Variants in PTPRK observed in about 807,000 individuals in gnomAD.
PTPRK encodes receptor-type tyrosine-protein phosphatase kappa.
PTPRK carries 75 observed loss-of-function variants against 178.0 expected under a neutral mutation model. That is an observed-to-expected ratio of 0.42 (90% CI 0.35 to 0.51). PTPRK has a LOEUF of 0.51. Ranked by LOEUF, PTPRK falls within the 20% of genes least tolerant of loss-of-function variation. The pLI is 0.02. For missense variants in PTPRK, 1,441 were observed against 1,797.8 expected, an observed-to-expected ratio of 0.80 and a Z score of 3.59; for synonymous variants, 637 against 620.6, an observed-to-expected ratio of 1.03 and a Z score of -0.39.
At chr6:128,053,010 CTGGAATG>C (rs1280783291) in intron 13 of PTPRK, among the ~76,000 whole-genome samples, 1 of 151,960 alleles carries the variant, frequency 6.6e-6, no homozygotes, top group Non-Finnish European at 1.5e-5. Context: ...TGTTCCAGCC[CTGGAATG>C]AGCCATTTAT....
intron 2 of PTPRK, among the ~76,000 whole-genome samples, chr6:128,350,186 G>T (rs1376582155): frequency 6.6e-6 from 1 of 152,116 alleles, no homozygotes; most frequent in Non-Finnish European, 1.5e-5. Context: ...AGAAAAAGGA[G>T]TTGGAGGATC....
chr6:128,321,600 AT>A, intron 3 of PTPRK: 1 of 560,688 alleles, frequency 1.8e-6, no homozygotes, highest in East Asian at 3.0e-5. Context: ...TCTACATCAC[AT>A]TTATTTCCCA....
chr6:128,028,285 A>G (rs1774674335), intron 13 of PTPRK, among the ~76,000 whole-genome samples: 1 of 152,236 alleles, frequency 6.6e-6, no homozygotes, highest in Admixed American at 6.5e-5. Flanking sequence ...GGAAAAAGCA[A>G]AAGTGATAAC....
intron 1 of PTPRK, among the ~76,000 whole-genome samples, chr6:128,401,838 C>A (rs1841058978): frequency 1.3e-5 from 2 of 152,094 alleles, no homozygotes; most frequent in African/African-American, 4.8e-5. Flanking sequence ...TTGGAAAATA[C>A]AATATCCTTA....
At chr6:128,178,496 T>C (rs955822848) in intron 7 of PTPRK, among the ~76,000 whole-genome samples, 3 of 151,934 alleles carry the variant, frequency 2.0e-5, no homozygotes, top group Non-Finnish European at 4.4e-5. Context: ...CATATTTGAA[T>C]AAGAAAAGTA....
chr6:127,981,387 A>C, intron 24 of PTPRK, 98 bp from the exon 25 acceptor site: 1 of 1,112,738 alleles, frequency 9.0e-7, no homozygotes, highest in Non-Finnish European at 1.3e-6. Flanking sequence ...TAGAAAGTGA[A>C]GGATTTGTGC....
Position 128,404,789 on chromosome 6 carries a change from A to G in PTPRK, c.101-7101T>C, listed in dbSNP as rs371074234. 7.0e-4 allele frequency among the ~76,000 whole-genome samples: 106 copies of G among 152,340 alleles called. 1 individual carries two copies. Among genetic ancestry groups the G allele is most frequent in the African/African-American group, 2.3e-3 (96 of 41,588 alleles). On this transcript the variant is annotated intron_variant, in intron 1 of 29. Coordinates refer to ENST00000368226, the MANE Select transcript of PTPRK (RefSeq NM_002844.4). ...TAAAAGGAACATGTTAGTGAAAAGT[A>G]CCCCAAAGAAGAAAAAATGAAACTT...
chr6:127,970,080 T>TA lies in PTPRK; in HGVS notation c.*146dup, dbSNP rs959974369. On this transcript the variant is annotated 3_prime_UTR_variant, in exon 30 of 30. Coordinates refer to ENST00000368226, the MANE Select transcript of PTPRK (RefSeq NM_002844.4). ...CTTTTTATTAAGATACACAACTTCA[T>TA]AAAAAAAATACTTTTACCTCTCAAA... is the stretch of plus-strand genomic sequence containing the variant. The TA allele has an allele frequency of 8.7e-5, 48 of 548,588 alleles. No individual in the cohort carries two copies. The highest frequency in any genetic ancestry group is 1.1e-4 in the Non-Finnish European group (36 of 316,534). The allele number at this position is 548,588 out of a possible 1,614,324, so 34.0% of individuals were successfully genotyped here.
intron 7 of PTPRK, among the ~76,000 whole-genome samples, chr6:128,123,221 G>A (rs1792766677): frequency 6.6e-6 from 1 of 152,090 alleles, no homozygotes; most frequent in African/African-American, 2.4e-5. Context: ...ACCAGAGGCT[G>A]AAAAAGGCAA....
chr6:128,475,167 C>A (rs187614134), intron 1 of PTPRK, among the ~76,000 whole-genome samples: 2 of 152,016 alleles, frequency 1.3e-5, no homozygotes, highest in Non-Finnish European at 2.9e-5. Flanking sequence ...GACCTTGGGC[C>A]AGGTATTTAT....
chr6:128,307,160 A>AT (rs1050180445), intron 3 of PTPRK, among the ~76,000 whole-genome samples: 16 of 142,344 alleles, frequency 1.1e-4, no homozygotes, highest in African/African-American at 2.7e-4. Flanking sequence ...AAGAAAAAAA[A>AT]ATATATATAT....
At chr6:128,471,460 T>C (rs192122735) in intron 1 of PTPRK, among the ~76,000 whole-genome samples, 6 of 151,340 alleles carry the variant, frequency 4.0e-5, no homozygotes, top group African/African-American at 1.5e-4. Flanking sequence ...ATAATAATGA[T>C]AGAAACTTAC....
At position 127,993,257 on chromosome 6, in the gene PTPRK, C is replaced by T. The variant is rs186671505; in HGVS notation, c.2845-548G>A. ...AGGGATATGCAAAAACTATTTTGTG[C>T]GTGCTCACAATGTTAATTTACACAC... On this transcript the variant is annotated intron_variant, in intron 18 of 29. Transcript: ENST00000368226. Among the ~76,000 whole-genome samples, 37 of 151,750 alleles carry T rather than the reference C, an allele frequency of 2.4e-4. 1 individual carries two copies. The East Asian group carries it at 3.1e-3, about 13-fold the overall frequency.
At chr6:128,044,140 C>T (rs1777653139) in intron 13 of PTPRK, among the ~76,000 whole-genome samples, 1 of 152,038 alleles carries the variant, frequency 6.6e-6, no homozygotes, top group African/African-American at 2.4e-5. Context: ...TTTCAACTTA[C>T]TTAGATTTCA....
At chr6:128,382,301 T>A (rs563974241) in intron 2 of PTPRK, among the ~76,000 whole-genome samples, 1 of 152,088 alleles carries the variant, frequency 6.6e-6, no homozygotes, top group South Asian at 2.1e-4. Flanking sequence ...CAAAGAACTA[T>A]GACTTCTATT....
intron 1 of PTPRK, among the ~76,000 whole-genome samples, chr6:128,424,436 A>C (rs1243986700): frequency 6.6e-6 from 1 of 152,176 alleles, no homozygotes; most frequent in East Asian, 1.9e-4. Context: ...GCTTGAAATT[A>C]CACTATTCTC....
intron 2 of PTPRK, among the ~76,000 whole-genome samples, chr6:128,373,446 G>C (rs896845309): frequency 6.6e-6 from 1 of 152,072 alleles, no homozygotes; most frequent in African/African-American, 2.4e-5. Flanking sequence ...ATCACCTATG[G>C]GACTTTAAAT....
intron 7 of PTPRK, among the ~76,000 whole-genome samples, chr6:128,158,134 C>A: frequency 6.6e-6 from 1 of 151,844 alleles, no homozygotes; most frequent in Non-Finnish European, 1.5e-5. Flanking sequence ...GGAAGGGATC[C>A]AGTTTCAGCT....
At chr6:128,100,310 TAATGG>T (rs1426513863) in intron 7 of PTPRK, among the ~76,000 whole-genome samples, 2 of 151,992 alleles carry the variant, frequency 1.3e-5, no homozygotes, top group African/African-American at 2.4e-5. Context: ...TTTTTTGAGA[TAATGG>T]AATGAAGACA....
Sources: allele counts gnomAD v4.1 joint callset (sites outside exome capture counted in the v4.1 genomes callset), GRCh38; gene constraint gnomAD v4.1.1; transcripts MANE v1.5; gene names NCBI Gene and HGNC (gene_info 2026-07-23, HGNC 2026-07-21).